The following ERG variants were observed in gnomAD, a reference collection of about 807,000 sequenced individuals.
ERG encodes ETS transcription factor ERG.
ERG carries 9 observed loss-of-function variants against 55.3 expected under a neutral mutation model. That is an observed-to-expected ratio of 0.16 (90% CI 0.10 to 0.28). The LOEUF (loss-of-function observed/expected upper bound fraction) is 0.28. Ranked by LOEUF, ERG falls within the 10% of genes least tolerant of loss-of-function variation. The pLI is 1.00. For synonymous variants in ERG, 223 were observed against 237.3 expected (o/e 0.94, Z 0.55); for missense variants, 434 against 631.6 (o/e 0.69, Z 3.35).
At chr21:38,573,908 A>T (rs1351949430) in intron 2 of ERG, among the ~76,000 whole-genome samples, 1 of 152,228 alleles carries the variant, frequency 6.6e-6, no homozygotes, top group Non-Finnish European at 1.5e-5. Flanking sequence ...CAGAGCCGAA[A>T]ACATAGTTCA....
chr21:38,376,109 T>C (rs1987235438), downstream of ERG, among the ~76,000 whole-genome samples: 1 of 152,152 alleles, frequency 6.6e-6, no homozygotes, highest in Non-Finnish European at 1.5e-5. Context: ...TGGGGTAGGG[T>C]GGCTTAGTGA....
At chr21:38,637,560 G>A (rs749314410) in intron 1 of ERG, among the ~76,000 whole-genome samples, 4 of 152,180 alleles carry the variant, frequency 2.6e-5, no homozygotes, top group African/African-American at 9.6e-5. Flanking sequence ...ATGCAAGATT[G>A]TCCTGACAAC....
At chr21:38,587,360 C>CT (rs11312805), upstream of ERG, among the ~76,000 whole-genome samples, 1,634 of 132,376 alleles carry the variant, frequency 0.012, 28 homozygotes, top group African/African-American at 0.041. Flanking sequence ...CTGTGCAAAT[C>CT]TTTTTTTTTT....
intron 1 of ERG, among the ~76,000 whole-genome samples, chr21:38,636,072 G>T (rs1174185567): frequency 1.3e-5 from 2 of 151,942 alleles, no homozygotes; most frequent in African/African-American, 4.8e-5. Flanking sequence ...CTGTTCTCAA[G>T]ATAGTGAGTG....
chr21:38,408,285 C>T (rs981936492), intron 3 of ERG, among the ~76,000 whole-genome samples: 2 of 152,198 alleles, frequency 1.3e-5, no homozygotes, highest in African/African-American at 4.8e-5. Flanking sequence ...GCACACAGTC[C>T]TTTGTTCCAT....
intron 2 of ERG, among the ~76,000 whole-genome samples, chr21:38,521,965 T>C (rs181155341): frequency 5.3e-5 from 8 of 152,340 alleles, no homozygotes; most frequent in Non-Finnish European, 8.8e-5. Context: ...TCTTGGTAAA[T>C]TTTATAATTA....
intron 2 of ERG, among the ~76,000 whole-genome samples, chr21:38,521,924 A>C (rs1944114843): frequency 6.6e-6 from 1 of 152,204 alleles, no homozygotes; most frequent in Non-Finnish European, 1.5e-5. Context: ...CTTGCACATT[A>C]AAAACATGAT....
chr21:38,503,682 G>A (rs1165531902), intron 2 of ERG, among the ~76,000 whole-genome samples: 1 of 152,146 alleles, frequency 6.6e-6, no homozygotes, highest in Admixed American at 6.5e-5. Context: ...GATGACACAT[G>A]AATTTAAAAT....
intron 1 of ERG, among the ~76,000 whole-genome samples, chr21:38,455,517 G>A (rs1193854768): frequency 6.6e-6 from 1 of 152,096 alleles, no homozygotes; most frequent in Non-Finnish European, 1.5e-5. Context: ...TGAAAAATCG[G>A]CAGTTTTATG....
chr21:38,568,763 G>A (rs990134544), intron 2 of ERG, among the ~76,000 whole-genome samples: 7 of 152,178 alleles, frequency 4.6e-5, no homozygotes, highest in African/African-American at 1.2e-4. Flanking sequence ...GGAGGACAGA[G>A]GACGTGTCGA....
rs2146406928 is a variant in ERG at position 38,381,741 on chromosome 21, G to A, written c.*1662C>T. Reference sequence around the variant, plus strand: ...CTAGAATTTCTCAATGACAACCCCAGCTTCATAGGCCTCTTTCCATTCCAG... The same window carrying A: ...CTAGAATTTCTCAATGACAACCCCAACTTCATAGGCCTCTTTCCATTCCAG... On this transcript the variant is annotated 3_prime_UTR_variant, in exon 10 of 10. Coordinates refer to ENST00000288319, the MANE Select transcript of ERG (RefSeq NM_182918.4). The A allele has an allele frequency of 2.8e-6, 3 of 1,063,368 alleles. No homozygotes were observed. Among genetic ancestry groups the A allele is most frequent in the South Asian group, 9.1e-5 (2 of 21,952 alleles). 65.9% of individuals were successfully genotyped at this position (1,063,368 alleles called of 1,614,324 possible). A position where few individuals can be genotyped will look rare whatever the true frequency, so the allele number is the denominator to read the frequency against.
In ERG at chr21:38,402,645, A is replaced by G; in HGVS notation, c.593-8T>C. 6.3e-7 allele frequency: 1 copy of G among 1,592,256 alleles called. No homozygotes were observed. The highest frequency in any genetic ancestry group is 8.5e-7 in the Non-Finnish European group (1 of 1,170,460). On this transcript the variant is annotated splice_polypyrimidine_tract_variant and splice_region_variant and intron_variant, in intron 4 of 9. Coordinates refer to ENST00000288319, the MANE Select transcript of ERG (RefSeq NM_182918.4). Reference sequence around the variant, plus strand: ...TCAAATGTGGAAGAGGAGCTACAAAACAAAACAAAAAGCGACATCAAAATG... The same window carrying G: ...TCAAATGTGGAAGAGGAGCTACAAAGCAAAACAAAAAGCGACATCAAAATG...
chr21:38,441,371 T>C (rs759507387), intron 2 of ERG, among the ~76,000 whole-genome samples: 1 of 152,122 alleles, frequency 6.6e-6, no homozygotes, highest in Non-Finnish European at 1.5e-5. Context: ...CCTTGTCTAA[T>C]CAGTTGAAGG....
rs138482961 is a variant in ERG, at chr21:38,424,304, C to A, written c.237-743G>T. On this transcript the variant is annotated intron_variant, in intron 2 of 9. Coordinates refer to ENST00000288319, the MANE Select transcript of ERG (RefSeq NM_182918.4). Reference sequence around the variant, plus strand: ...GAGACCTCACCAGAGACTGGCCCTGCTGGTGTCTGATTTTAGACTTCCAAC... The same window carrying A: ...GAGACCTCACCAGAGACTGGCCCTGATGGTGTCTGATTTTAGACTTCCAAC... Among the ~76,000 whole-genome samples, 442 of 152,040 alleles carry A rather than the reference C, an allele frequency of 2.9e-3. 5 individuals are homozygous for A. Among genetic ancestry groups the A allele is most frequent in the African/African-American group, 0.01 (421 of 41,478 alleles).
chr21:38,607,407 C>T (rs890367854), intron 1 of ERG, among the ~76,000 whole-genome samples: 2 of 152,094 alleles, frequency 1.3e-5, no homozygotes, highest in South Asian at 4.1e-4. Context: ...CTGAGGCAGT[C>T]GGATCATGAG....
intron 2 of ERG, among the ~76,000 whole-genome samples, chr21:38,429,008 C>G (rs1033665001): frequency 1.3e-5 from 2 of 152,012 alleles, no homozygotes; most frequent in Non-Finnish European, 2.9e-5. Flanking sequence ...AACACTGTAC[C>G]CAGTGTGCAA....
rs748119840 is a variant in ERG at position 38,397,754 on chromosome 21, CAT to C, written c.745+2818_745+2819del. Among the ~76,000 whole-genome samples the C allele has an allele frequency of 1.3e-4, 20 of 152,176 alleles. No homozygotes were observed. In the East Asian group the frequency reaches 3.3e-3, roughly 25 times the overall value. ...AAGGTGGATGCAGCAGGACAACACA[CAT>C]GTGTAGGAGTCTCTGCAGAAAGGGT... On this transcript the variant is annotated intron_variant, in intron 6 of 9. Coordinates refer to ENST00000288319, the MANE Select transcript of ERG (RefSeq NM_182918.4).
chr21:38,626,285 C>T (rs1333276799), intron 1 of ERG, among the ~76,000 whole-genome samples: 2 of 152,162 alleles, frequency 1.3e-5, no homozygotes, highest in Non-Finnish European at 1.5e-5. Flanking sequence ...TTCTGAGTCA[C>T]CTGCAAACCA....
chr21:38,587,360 CTTTTT>C (rs11312805), upstream of ERG, among the ~76,000 whole-genome samples: 1 of 132,370 alleles, frequency 7.6e-6, no homozygotes, highest in Non-Finnish European at 1.7e-5. Flanking sequence ...CTGTGCAAAT[CTTTTT>C]TTTTTTTTTT....
Sources: gnomAD v4.1 joint callset for allele counts (sites outside exome capture counted in the v4.1 genomes callset) on GRCh38, gnomAD v4.1.1 for gene constraint, MANE v1.5 for transcripts, NCBI Gene and HGNC (gene_info 2026-07-23, HGNC 2026-07-21) for gene names.